Variants in TMEM132D observed in about 807,000 individuals in gnomAD.
TMEM132D encodes the protein mature OL transmembrane protein.
In TMEM132D, 21 loss-of-function variants were observed where a neutral mutation model predicts 62.3. The ratio of observed to expected loss-of-function variants is 0.34; its 90% CI spans 0.24 to 0.49. The LOEUF is 0.49. Among genes scored for constraint, TMEM132D ranks in the 20% least tolerant of loss-of-function variants. TMEM132D has a pLI of 0.99. For missense variants in TMEM132D, 1,346 were observed against 1,402.8 expected, an observed-to-expected ratio of 0.96 and a Z score of 0.65; for synonymous variants, 621 against 575.6, an observed-to-expected ratio of 1.08 and a Z score of -1.13.
intron 1 of TMEM132D, among the ~76,000 whole-genome samples, chr12:129,701,475 C>T (rs909605618): frequency 1.3e-5 from 2 of 152,144 alleles, no homozygotes; most frequent in African/African-American, 4.8e-5. Flanking sequence ...AAACACTGGA[C>T]CCTGAACCTA....
intron 2 of TMEM132D, among the ~76,000 whole-genome samples, chr12:129,644,378 C>A (rs150435088): frequency 6.6e-6 from 1 of 152,152 alleles, no homozygotes; most frequent in Non-Finnish European, 1.5e-5. Flanking sequence ...CTTTGCTCCA[C>A]GTACATATTT....
chr12:129,146,397 C>A (rs1876899987), intron 5 of TMEM132D, among the ~76,000 whole-genome samples: 1 of 152,194 alleles, frequency 6.6e-6, no homozygotes, highest in Non-Finnish European at 1.5e-5. Flanking sequence ...TAGAGCTTCC[C>A]TACTGGTTTT....
At chr12:129,089,841 C>A (rs972449066) in intron 5 of TMEM132D, among the ~76,000 whole-genome samples, 1 of 152,202 alleles carries the variant, frequency 6.6e-6, no homozygotes, top group African/African-American at 2.4e-5. Flanking sequence ...AGGGAAGGGG[C>A]GTAGACCAGA....
chr12:129,097,239 T>C (rs1056798590), intron 5 of TMEM132D, among the ~76,000 whole-genome samples: 4 of 152,234 alleles, frequency 2.6e-5, no homozygotes, highest in African/African-American at 9.6e-5. Flanking sequence ...CGACCAACAG[T>C]GTCTCCGGAC....
rs1237900653 is a variant in TMEM132D, at chr12:129,104,853, A to T, written c.1444-20151T>A. Among the ~76,000 whole-genome samples the T allele has an allele frequency of 1.4e-3, 205 of 141,996 alleles. 2 individuals carry two copies. The highest frequency in any genetic ancestry group is 6.9e-3 in the East Asian group (34 of 4,902). 93.2% of individuals were successfully genotyped at this position (141,996 alleles called of 152,430 possible). ...CAAAACCACAATGAGATACCATCTTACACCAGTTAGAATGGCAATCATTAA... is the reference window on the plus strand; with the variant it reads ...CAAAACCACAATGAGATACCATCTTTCACCAGTTAGAATGGCAATCATTAA... On this transcript the variant is annotated intron_variant, in intron 5 of 8. Coordinates refer to ENST00000422113, the MANE Select transcript of TMEM132D (RefSeq NM_133448.3).
intron 3 of TMEM132D, among the ~76,000 whole-genome samples, chr12:129,385,555 A>T (rs545765838): frequency 2.4e-4 from 36 of 152,220 alleles, no homozygotes; most frequent in Non-Finnish European, 4.8e-4. Flanking sequence ...AGTGCTATAT[A>T]ACTGGTTGAT....
chr12:129,617,681 A>G (rs1466451540), intron 2 of TMEM132D, among the ~76,000 whole-genome samples: 1 of 152,094 alleles, frequency 6.6e-6, no homozygotes, highest in Admixed American at 6.6e-5. Flanking sequence ...ACGGTGCCTC[A>G]CACCAGAGGA....
chr12:129,818,193 GCT>G, intron 1 of TMEM132D, among the ~76,000 whole-genome samples: 1 of 137,934 alleles, frequency 7.2e-6, no homozygotes, highest in South Asian at 2.4e-4. Context: ...TGGTGTGGGG[GCT>G]GTGTGTGCCT....
chr12:129,762,577 G>C (rs1870417251), intron 1 of TMEM132D, among the ~76,000 whole-genome samples: 1 of 151,974 alleles, frequency 6.6e-6, no homozygotes, highest in African/African-American at 2.4e-5. Context: ...GCCTTCATAA[G>C]CACGGAGGGG....
intron 1 of TMEM132D, among the ~76,000 whole-genome samples, chr12:129,809,536 G>A (rs996000504): frequency 7.2e-5 from 11 of 151,934 alleles, no homozygotes; most frequent in Non-Finnish European, 1.3e-4. Flanking sequence ...TGAAGAAATG[G>A]GGCAGCTTTG....
rs937507052 is a variant in TMEM132D at position 129,844,403 on chromosome 12, C to T, written c.79+58858G>A. Among the ~76,000 whole-genome samples, 3 of 152,130 alleles carry T rather than the reference C, an allele frequency of 2.0e-5. No individual in the cohort carries two copies. In the East Asian group the frequency reaches 5.8e-4, roughly 29 times the overall value. On this transcript the variant is annotated intron_variant, in intron 1 of 8. Transcript: ENST00000422113. ...AGTGTGTGTGAGATGAGGTCTCATG[C>T]CTACCCCCTCCACTCTCCGGATCCC...
chr12:129,791,239 C>A (rs1871393636), intron 1 of TMEM132D, among the ~76,000 whole-genome samples: 1 of 152,168 alleles, frequency 6.6e-6, no homozygotes, highest in Non-Finnish European at 1.5e-5. Context: ...CAAAAGCCTA[C>A]ATTTTTATGT....
chr12:129,428,582 T>C (rs1210059095), intron 3 of TMEM132D, among the ~76,000 whole-genome samples: 1 of 152,232 alleles, frequency 6.6e-6, no homozygotes, highest in Non-Finnish European at 1.5e-5. Flanking sequence ...TTTGTAGCCC[T>C]GGGACAAAAT....
chr12:129,702,437 T>A (rs1881405146), intron 1 of TMEM132D, among the ~76,000 whole-genome samples: 1 of 152,240 alleles, frequency 6.6e-6, no homozygotes, highest in East Asian at 1.9e-4. Context: ...TAAACTTGTA[T>A]CTTCACATGT....
chr12:129,205,201 A>G (rs1473591057), intron 5 of TMEM132D, among the ~76,000 whole-genome samples: 2 of 152,206 alleles, frequency 1.3e-5, no homozygotes, highest in Non-Finnish European at 2.9e-5. Context: ...AAATGCCTCA[A>G]TTAAAAGGCA....
chr12:129,103,281 A>C (rs1315474730), intron 5 of TMEM132D, among the ~76,000 whole-genome samples: 1 of 152,150 alleles, frequency 6.6e-6, no homozygotes, highest in African/African-American at 2.4e-5. Flanking sequence ...ACCCCACAGC[A>C]TCAGTTCCTT....
At chr12:129,307,920 C>T (rs192367284) in intron 4 of TMEM132D, among the ~76,000 whole-genome samples, 112 of 152,284 alleles carry the variant, frequency 7.4e-4, no homozygotes, top group Non-Finnish European at 1.0e-3. Context: ...CTAACTATTA[C>T]ACTAGGAATA....
At chr12:129,881,803 A>C (rs1273568576) in intron 1 of TMEM132D, among the ~76,000 whole-genome samples, 1 of 152,016 alleles carries the variant, frequency 6.6e-6, no homozygotes, top group Non-Finnish European at 1.5e-5. Flanking sequence ...CAATAAAACA[A>C]CAAAATAATA....
intron 1 of TMEM132D, among the ~76,000 whole-genome samples, chr12:129,714,506 T>C (rs982974823): frequency 5.9e-5 from 9 of 152,218 alleles, no homozygotes; most frequent in Non-Finnish European, 1.2e-4. Flanking sequence ...CAGTACAAGC[T>C]TCCAGCCATG....
Sources: gnomAD v4.1 joint callset for allele counts (sites outside exome capture counted in the v4.1 genomes callset) on GRCh38, gnomAD v4.1.1 for gene constraint, MANE v1.5 for transcripts, NCBI Gene and HGNC (gene_info 2026-07-23, HGNC 2026-07-21) for gene names.